XKR6: variants seen among roughly 807,000 people sequenced by gnomAD.
XKR6 encodes XK-related protein 6.
Under a neutral mutation model 56.7 loss-of-function variants are expected in XKR6, and 22 were observed. The ratio of observed to expected loss-of-function variants is 0.39; its 90% CI spans 0.28 to 0.55. The LOEUF (loss-of-function observed/expected upper bound fraction) is 0.55, where lower values mean the gene tolerates loss of function less well. Among genes scored for constraint, XKR6 ranks in the 20% least tolerant of loss-of-function variants. The probability of loss-of-function intolerance (pLI) is 0.66; values close to 1 mark genes in which losing one functional copy is unlikely to be tolerated. For synonymous variants in XKR6, 524 were observed against 387.8 expected (o/e 1.35, Z -4.13); for missense variants, 852 against 889.0 (o/e 0.96, Z 0.53).
At chr8:11,133,683 T>C (rs1362866079) in intron 1 of XKR6, among the ~76,000 whole-genome samples, 1 of 152,198 alleles carries the variant, frequency 6.6e-6, no homozygotes, top group African/African-American at 2.4e-5. Context: ...CCTTTGGAAA[T>C]AGGCAGGTGG....
intron 1 of XKR6, chr8:11,105,091 C>T (rs945979795): frequency 5.3e-5 from 8 of 152,084 alleles, no homozygotes; most frequent in Non-Finnish European, 8.8e-5. Context: ...TGGTTAATGT[C>T]CTGTGAGTTA....
chr8:11,087,190 G>C (rs2129171660), intron 1 of XKR6, among the ~76,000 whole-genome samples: 1 of 152,326 alleles, frequency 6.6e-6, no homozygotes, highest in Middle Eastern at 3.4e-3. Context: ...CACAGTGTGA[G>C]GCTTTGGTGT....
chr8:11,013,619 C>T (rs893677285), intron 1 of XKR6, among the ~76,000 whole-genome samples: 1 of 152,136 alleles, frequency 6.6e-6, no homozygotes, highest in Admixed American at 6.5e-5. Context: ...CTAGATCTGG[C>T]CCCGGATCTG....
intron 1 of XKR6, among the ~76,000 whole-genome samples, chr8:11,114,902 C>A (rs1799096901): frequency 2.0e-5 from 3 of 152,088 alleles, no homozygotes; most frequent in Non-Finnish European, 2.9e-5. Flanking sequence ...GAAAACTAAC[C>A]TTTTTCTCTA....
intron 1 of XKR6, among the ~76,000 whole-genome samples, chr8:11,112,726 T>C (rs538635030): frequency 1.3e-5 from 2 of 152,284 alleles, no homozygotes; most frequent in East Asian, 3.9e-4. Flanking sequence ...CAGAAATTAT[T>C]AAGAGCCCAC....
intron 1 of XKR6, among the ~76,000 whole-genome samples, chr8:11,135,084 G>C (rs1417515345): frequency 6.7e-6 from 1 of 149,224 alleles, no homozygotes; most frequent in Non-Finnish European, 1.5e-5. Context: ...CCAGGCTGAA[G>C]TGCAGTGGCA....
chr8:11,200,536 T>C lies in XKR6; in HGVS notation c.764+40A>G. ...AAGCACCGGGAGGGCGGAGGGGGGC[T>C]CCTCAGGGCCGGCCCGCCCCCACCC... On this transcript the variant is annotated intron_variant, in intron 1 of 2. Transcript: ENST00000416569. This position sits in a 1 kb window ranked among gnomAD's most constrained non-coding sequence, Gnocchi z 6.4. The C allele has an allele frequency of 7.1e-7, 1 of 1,413,356 alleles. No individual in the cohort carries two copies. The highest frequency in any genetic ancestry group is 9.2e-7 in the Non-Finnish European group (1 of 1,091,622). The allele number at this position is 1,413,356 out of a possible 1,614,324, so 87.6% of individuals were successfully genotyped here. A position where few individuals can be genotyped will look rare whatever the true frequency, so the allele number is the denominator to read the frequency against.
intron 2 of XKR6, among the ~76,000 whole-genome samples, chr8:10,918,104 C>T (rs920793379): frequency 2.6e-5 from 4 of 152,174 alleles, no homozygotes; most frequent in African/African-American, 9.7e-5. Context: ...GCTTTTTTGA[C>T]CTCTGGGTCA....
At chr8:11,006,568 G>T (rs1798373583) in intron 1 of XKR6, among the ~76,000 whole-genome samples, 1 of 152,156 alleles carries the variant, frequency 6.6e-6, no homozygotes, top group Admixed American at 6.5e-5. Context: ...CAGGGTTGTG[G>T]GTACACACAG....
At chr8:11,171,193 G>A (rs1005682108) in intron 1 of XKR6, among the ~76,000 whole-genome samples, 2 of 152,220 alleles carry the variant, frequency 1.3e-5, no homozygotes, top group African/African-American at 4.8e-5. Flanking sequence ...CCACACAGCC[G>A]ACCTGTATAT....
chr8:11,037,225 T>A (rs144775669), intron 1 of XKR6, among the ~76,000 whole-genome samples: 5 of 152,278 alleles, frequency 3.3e-5, no homozygotes, highest in Admixed American at 6.5e-5. Context: ...ATCAAGAATT[T>A]TAATACTTTT....
At chr8:11,197,233 A>G (rs1220004558) in intron 1 of XKR6, among the ~76,000 whole-genome samples, 1 of 152,266 alleles carries the variant, frequency 6.6e-6, no homozygotes, top group Non-Finnish European at 1.5e-5. Context: ...GCAAACACAC[A>G]CATAAAACTA....
chr8:11,101,766 C>G (rs982941900), intron 1 of XKR6, among the ~76,000 whole-genome samples: 1 of 152,174 alleles, frequency 6.6e-6, no homozygotes, highest in Admixed American at 6.5e-5. Context: ...TTGCATTTGA[C>G]CCTGCTCACC....
intron 1 of XKR6, among the ~76,000 whole-genome samples, chr8:10,931,763 A>C (rs1257180334): frequency 6.6e-6 from 1 of 152,164 alleles, no homozygotes; most frequent in African/African-American, 2.4e-5. Flanking sequence ...AAGAAACTGC[A>C]GGAGTGGTTC....
Position 11,106,861 on chromosome 8 carries a change from A to T in XKR6, c.764+93715T>A, listed in dbSNP as rs574156684. On this transcript the variant is annotated intron_variant, in intron 1 of 2. Coordinates refer to ENST00000416569, the MANE Select transcript of XKR6 (RefSeq NM_173683.4). ...GTGAGACTTCATCTCAAAAAAAAAA[A>T]AAAATAAAAAAGATACAACGTTACA... is the stretch of plus-strand genomic sequence containing the variant. 1.4e-4 allele frequency among the ~76,000 whole-genome samples: 21 copies of T among 149,768 alleles called. 1 individual carries two copies. Among genetic ancestry groups the T allele is most frequent in the Middle Eastern group, 3.4e-3 (1 of 294 alleles).
chr8:10,938,721 G>A (rs574318415), intron 1 of XKR6, among the ~76,000 whole-genome samples: 1 of 152,290 alleles, frequency 6.6e-6, no homozygotes, highest in African/African-American at 2.4e-5. Flanking sequence ...GTGGGCACAT[G>A]GGAGAGTGTT....
intron 1 of XKR6, among the ~76,000 whole-genome samples, chr8:10,979,006 C>T (rs1360821148): frequency 6.6e-6 from 1 of 152,162 alleles, no homozygotes; most frequent in Non-Finnish European, 1.5e-5. Context: ...CTGTCCACCC[C>T]CTGCCTGGAA....
At chr8:10,987,200 T>C (rs1262128066) in intron 1 of XKR6, among the ~76,000 whole-genome samples, 8 of 152,204 alleles carry the variant, frequency 5.3e-5, no homozygotes, top group Non-Finnish European at 1.0e-4. Flanking sequence ...GGTTAACAGA[T>C]GCATCTATGT....
chr8:10,992,024 T>C (rs868473326), intron 1 of XKR6, among the ~76,000 whole-genome samples: 8 of 152,280 alleles, frequency 5.3e-5, no homozygotes, highest in African/African-American at 1.7e-4. Context: ...GAGACAGCCA[T>C]GTGATAGTAC....
Sources: allele counts gnomAD v4.1 joint callset (sites outside exome capture counted in the v4.1 genomes callset), GRCh38; gene constraint gnomAD v4.1.1; non-coding constraint Gnocchi (gnomAD v3.1); transcripts MANE v1.5; gene names NCBI Gene and HGNC (gene_info 2026-07-23, HGNC 2026-07-21).